The following NBAS variants were observed in gnomAD, a reference collection of about 807,000 sequenced individuals.
The protein encoded by NBAS is NBAS subunit of NRZ tethering complex.
Under a neutral mutation model 302.5 loss-of-function variants are expected in NBAS, and 219 were observed. That is an observed-to-expected ratio of 0.72 (90% CI 0.65 to 0.81). The LOEUF (loss-of-function observed/expected upper bound fraction) is 0.81. Ranked by LOEUF, NBAS falls within the 30% of genes least tolerant of loss-of-function variation. The probability of loss-of-function intolerance (pLI) is 0.00; values close to 1 mark genes in which losing one functional copy is unlikely to be tolerated. For missense variants in NBAS, 2,932 were observed against 2,841.6 expected (o/e 1.03, Z -0.72); for synonymous variants, 1,118 against 1,021.6 (o/e 1.09, Z -1.80).
chr2:15,439,774 G>T (rs191896107), intron 21 of NBAS, among the ~76,000 whole-genome samples: 1 of 152,332 alleles, frequency 6.6e-6, no homozygotes, highest in East Asian at 1.9e-4. Context: ...GTGACAGACA[G>T]CACCTGGAAA....
the NBAS span, among the ~76,000 whole-genome samples, chr2:15,125,375 G>A: frequency 2.6e-5 from 4 of 152,126 alleles, no homozygotes; most frequent in African/African-American, 9.7e-5. Context: ...GGGCAAGGAA[G>A]AGAGGGGAGA....
intron 39 of NBAS, among the ~76,000 whole-genome samples, chr2:15,308,946 C>G (rs563449050): frequency 1.2e-4 from 18 of 152,096 alleles, no homozygotes; most frequent in African/African-American, 4.3e-4. Context: ...GTGCAGCGCA[C>G]CAGCATGGCA....
intron 48 of NBAS, among the ~76,000 whole-genome samples, chr2:15,204,187 A>G (rs965758867): frequency 2.6e-5 from 4 of 152,016 alleles, no homozygotes; most frequent in African/African-American, 7.3e-5. Flanking sequence ...TTGAGCCAGG[A>G]GGATGGGGCT....
chr2:15,473,095 A>C (rs1680026372), intron 16 of NBAS, 127 bp downstream of exon 16: 5 of 1,096,918 alleles, frequency 4.6e-6, no homozygotes, highest in Non-Finnish European at 6.6e-6. Flanking sequence ...CCAGCTGAGA[A>C]AATTGTACTT....
At chr2:15,232,580 C>T (rs1667426089) in intron 46 of NBAS, 69 bp from the exon 47 acceptor site, 1 of 1,439,910 alleles carries the variant, frequency 6.9e-7, no homozygotes, top group Non-Finnish European at 9.6e-7. Flanking sequence ...TTGGTATTCA[C>T]ACCCTTAAAT....
the NBAS span, among the ~76,000 whole-genome samples, chr2:15,150,749 T>C: frequency 1.3e-5 from 2 of 152,230 alleles, no homozygotes; most frequent in African/African-American, 4.8e-5. Context: ...ATATTGGATA[T>C]GTCATGTTTA....
intron 50 of NBAS, among the ~76,000 whole-genome samples, chr2:15,182,091 C>A (rs577235716): frequency 6.6e-5 from 10 of 152,216 alleles, no homozygotes; most frequent in Non-Finnish European, 1.3e-4. Flanking sequence ...GGCCTCCACA[C>A]TGGCCACCAG....
chr2:15,099,180 G>C, the NBAS span, among the ~76,000 whole-genome samples: 1 of 152,000 alleles, frequency 6.6e-6, no homozygotes, highest in African/African-American at 2.4e-5. Flanking sequence ...GTGCATGCCT[G>C]TTGTCCCAGC....
chr2:15,340,792 G>A (rs559644022), intron 35 of NBAS, among the ~76,000 whole-genome samples: 3 of 152,010 alleles, frequency 2.0e-5, no homozygotes, highest in Non-Finnish European at 4.4e-5. Flanking sequence ...AAAACAAGAC[G>A]ACCGAGATGT....
chr2:15,271,790 T>G (rs1669336752), intron 44 of NBAS, among the ~76,000 whole-genome samples: 1 of 152,204 alleles, frequency 6.6e-6, no homozygotes. Context: ...CCTTTCAGCC[T>G]CTTTTACAAC....
At chr2:14,916,007 CT>C in the NBAS span, among the ~76,000 whole-genome samples, 1 of 152,146 alleles carries the variant, frequency 6.6e-6, no homozygotes, top group African/African-American at 2.4e-5. Flanking sequence ...CAATAAAACT[CT>C]TTCTTTTGTA....
At chr2:15,202,447 T>C (rs1665921984) in intron 48 of NBAS, among the ~76,000 whole-genome samples, 3 of 152,344 alleles carry the variant, frequency 2.0e-5, no homozygotes, top group Admixed American at 2.0e-4. Flanking sequence ...TTTTGCCTTA[T>C]AAATTTTTTC....
At chr2:14,985,886 C>T in the NBAS span, among the ~76,000 whole-genome samples, 1 of 152,100 alleles carries the variant, frequency 6.6e-6, no homozygotes, top group East Asian at 1.9e-4. Context: ...GTTTACATGT[C>T]ATATAGTGGG....
chr2:15,229,811 G>C (rs768036192), intron 47 of NBAS, among the ~76,000 whole-genome samples: 1 of 151,612 alleles, frequency 6.6e-6, no homozygotes, highest in Non-Finnish European at 1.5e-5. Flanking sequence ...AAAAAAAAGA[G>C]GACGTGAAAA....
chr2:14,830,871 TAC>T, the NBAS span, among the ~76,000 whole-genome samples: 1 of 152,204 alleles, frequency 6.6e-6, no homozygotes, highest in Non-Finnish European at 1.5e-5. Flanking sequence ...CTCCTTGATT[TAC>T]ACAGTTTGCC....
chr2:15,462,227 G>T (rs996802141), intron 19 of NBAS, among the ~76,000 whole-genome samples: 2 of 152,264 alleles, frequency 1.3e-5, no homozygotes, highest in South Asian at 4.1e-4. Flanking sequence ...CACTCACCAT[G>T]TGCTAAGGGA....
intron 3 of NBAS, 71 bp from the exon 4 acceptor site, chr2:15,554,209 ATATACT>A: frequency 3.3e-6 from 4 of 1,205,466 alleles, no homozygotes; most frequent in Middle Eastern, 1.9e-4. Context: ...CAAATAGCAC[ATATACT>A]TATAGAGAGA....
At chr2:15,076,184 T>C in the NBAS span, among the ~76,000 whole-genome samples, 1 of 152,206 alleles carries the variant, frequency 6.6e-6, no homozygotes, top group African/African-American at 2.4e-5. Context: ...ACACAGACAG[T>C]AGAAGTTGAA....
At chr2:15,552,340 C>T (rs1664421729) in intron 5 of NBAS, among the ~76,000 whole-genome samples, 1 of 152,168 alleles carries the variant, frequency 6.6e-6, no homozygotes, top group South Asian at 2.1e-4. Flanking sequence ...CCTTGAACAA[C>T]ACAGGTTTCA....
Sources: gnomAD v4.1 joint callset for allele counts (sites outside exome capture counted in the v4.1 genomes callset) on GRCh38, gnomAD v4.1.1 for gene constraint, MANE v1.5 for transcripts, NCBI Gene and HGNC (gene_info 2026-07-23, HGNC 2026-07-21) for gene names.